The following PSORS1C1 variants were observed in gnomAD, a reference collection of about 807,000 sequenced individuals.
PSORS1C1 encodes psoriasis susceptibility 1 candidate 1.
In PSORS1C1, 7 loss-of-function variants were observed where a neutral mutation model predicts 9.4. That is an observed-to-expected ratio of 0.75 (90% confidence interval 0.42 to 1.40). PSORS1C1 has a LOEUF of 1.40. PSORS1C1 is among the 40% of genes most tolerant of loss of function. The probability of loss-of-function intolerance (pLI) is 0.01; values close to 1 mark genes in which losing one functional copy is unlikely to be tolerated. For missense variants in PSORS1C1, 146 were observed against 178.1 expected, an observed-to-expected ratio of 0.82 and a Z score of 1.02; for synonymous variants, 63 against 69.4, an observed-to-expected ratio of 0.91 and a Z score of 0.46.
intron 2 of PSORS1C1, among the ~76,000 whole-genome samples, chr6:31,127,503 G>C (rs1772730032): frequency 6.6e-6 from 1 of 151,930 alleles, no homozygotes; most frequent in Non-Finnish European, 1.5e-5. Flanking sequence ...TCAGCTCGGT[G>C]CCGAGGTCTG....
chr6:31,126,291 C>T (rs570271250), intron 2 of PSORS1C1, among the ~76,000 whole-genome samples: 11 of 152,304 alleles, frequency 7.2e-5, no homozygotes, highest in African/African-American at 2.4e-4. Flanking sequence ...GTGATGAGGA[C>T]GTACTGGGGT....
At chr6:31,117,513 G>T (rs766625426) in intron 1 of PSORS1C1, 3 of 1,550,648 alleles carry the variant, frequency 1.9e-6, no homozygotes, top group Admixed American at 2.0e-5. Flanking sequence ...AGGTGCCAAT[G>T]CTCTTAGCCA....
chr6:31,132,927 C>T (rs1428674162), intron 3 of PSORS1C1, among the ~76,000 whole-genome samples: 1 of 150,854 alleles, frequency 6.6e-6, no homozygotes, highest in Middle Eastern at 3.2e-3. Flanking sequence ...TGAGTGGAAC[C>T]AAGCTAAGTC....
At chr6:31,126,343 G>C (rs3778640) in intron 2 of PSORS1C1, among the ~76,000 whole-genome samples, 19,896 of 152,208 alleles carry the variant, frequency 0.13, 1,429 homozygotes, top group Middle Eastern at 0.24. Flanking sequence ...GTGGTGGGCA[G>C]GACCGTGCTG....
intron 1 of PSORS1C1, among the ~76,000 whole-genome samples, chr6:31,122,424 C>T (rs1772502328): frequency 6.6e-6 from 1 of 152,192 alleles, no homozygotes; most frequent in Non-Finnish European, 1.5e-5. Context: ...GTCTTCTGCT[C>T]CCTTCCTGCC....
At chr6:31,114,959 A>G (rs1772026607) in intron 1 of PSORS1C1, 68 bp downstream of exon 1, 1 of 448,584 alleles carries the variant, frequency 2.2e-6, no homozygotes, top group Admixed American at 2.4e-5. Flanking sequence ...AGGGAGAGGA[A>G]ACACTGAGGG....
chr6:31,124,329 C>A (rs1012682338), intron 1 of PSORS1C1, among the ~76,000 whole-genome samples: 3 of 152,144 alleles, frequency 2.0e-5, no homozygotes, highest in Non-Finnish European at 2.9e-5. Context: ...GTACTGACTG[C>A]CTGCTGCAGG....
intron 3 of PSORS1C1, among the ~76,000 whole-genome samples, chr6:31,135,145 A>G (rs1286688122): frequency 6.6e-6 from 1 of 152,212 alleles, no homozygotes; most frequent in Admixed American, 6.5e-5. Flanking sequence ...AACATTTAAC[A>G]TTTGTAATAA....
chr6:31,133,092 G>C (rs3823417), intron 3 of PSORS1C1, among the ~76,000 whole-genome samples: 1 of 151,874 alleles, frequency 6.6e-6, no homozygotes, highest in Non-Finnish European at 1.5e-5. Flanking sequence ...AAAAGGTCCC[G>C]GCAGAGGCAT....
chr6:31,115,928 GCTAACC>G lies in PSORS1C1; in HGVS notation c.-229+1041_-229+1046del. ...CTCTTTTGGGAAGGAGGGAAACTGAGCTAACCCTATGCCTGGGCACTGGACTTCTCC... is the reference window on the plus strand; with the variant it reads ...CTCTTTTGGGAAGGAGGGAAACTGAGCTATGCCTGGGCACTGGACTTCTCC... On this transcript the variant is annotated intron_variant, in intron 1 of 5. Transcript: ENST00000259881. This position sits in a 1 kb window ranked among gnomAD's most constrained non-coding sequence, Gnocchi z 4.2. The G allele has an allele frequency of 9.0e-7, 1 of 1,113,342 alleles. No homozygotes were observed. Among genetic ancestry groups the G allele is most frequent in the South Asian group, 1.3e-5 (1 of 77,578 alleles). The allele number at this position is 1,113,342 out of a possible 1,614,324, so 69.0% of individuals were successfully genotyped here.
chr6:31,138,445 C>G lies in PSORS1C1; in HGVS notation c.29C>G (p.Ser10Cys). Residue 10 changes from serine to cysteine, a missense_variant, in exon 4 of 6, where the codon TCT (serine) becomes TGT (cysteine). Transcript: ENST00000259881. ...CCACAAACAGACCAAAAAAGTCACTCTCAAAGAGCTCTCGGTAGGTTTGTA... is the reference window on the plus strand; with the variant it reads ...CCACAAACAGACCAAAAAAGTCACTGTCAAAGAGCTCTCGGTAGGTTTGTA... The part of the protein sequence containing the change: MTCTDQKSH[S>C]QRALGTQTPA... 6.2e-7 allele frequency: 1 copy of G among 1,611,978 alleles called. No individual in the cohort carries two copies. The highest frequency in any genetic ancestry group is 1.1e-5 in the South Asian group (1 of 90,966).
At chr6:31,137,414 A>G (rs1473142863) in intron 3 of PSORS1C1, 2 of 152,434 alleles carry the variant, frequency 1.3e-5, no homozygotes, top group Non-Finnish European at 2.9e-5. Context: ...AGATCGTGCC[A>G]CTGTACTCCA....
chr6:31,116,216 GT>G (rs1562750564), intron 1 of PSORS1C1: 1 of 1,613,990 alleles, frequency 6.2e-7, no homozygotes. Flanking sequence ...CCCCCAGTCA[GT>G]GTCAAGGAGG....
At chr6:31,120,999 T>C (rs1772431295) in intron 1 of PSORS1C1, among the ~76,000 whole-genome samples, 1 of 143,952 alleles carries the variant, frequency 6.9e-6, no homozygotes, top group African/African-American at 2.6e-5. Context: ...TCTGCCCCCA[T>C]CCCCCAGGCT....
chr6:31,133,092 G>T (rs3823417), intron 3 of PSORS1C1, among the ~76,000 whole-genome samples: 1 of 151,874 alleles, frequency 6.6e-6, no homozygotes, highest in African/African-American at 2.4e-5. Context: ...AAAAGGTCCC[G>T]GCAGAGGCAT....
At chr6:31,131,597 CAAAAAAAAAAAA>C (rs9281219) in intron 3 of PSORS1C1, among the ~76,000 whole-genome samples, 4 of 78,394 alleles carry the variant, frequency 5.1e-5, no homozygotes, top group Admixed American at 1.6e-4. Context: ...GACTCCGTCT[CAAAAAAAAAAAA>C]AAAAAAAAAA....
At chr6:31,131,999 A>T (rs1274834984) in intron 3 of PSORS1C1, among the ~76,000 whole-genome samples, 1 of 152,220 alleles carries the variant, frequency 6.6e-6, no homozygotes, top group African/African-American at 2.4e-5. Context: ...TAATCCCAAC[A>T]CTTTGAGAGG....
chr6:31,134,018 G>A (rs936567678), intron 3 of PSORS1C1, among the ~76,000 whole-genome samples: 21 of 152,020 alleles, frequency 1.4e-4, no homozygotes, highest in African/African-American at 4.3e-4. Flanking sequence ...TTGCTCTGTC[G>A]CCCAGGCTGC....
intron 1 of PSORS1C1, among the ~76,000 whole-genome samples, chr6:31,119,237 T>C (rs535610571): frequency 6.6e-6 from 1 of 152,258 alleles, no homozygotes; most frequent in East Asian, 1.9e-4. Context: ...CCATCCTCTG[T>C]GATGTCCCTG....
Sources: gnomAD v4.1 joint callset for allele counts (sites outside exome capture counted in the v4.1 genomes callset) on GRCh38, gnomAD v4.1.1 for gene constraint, Gnocchi (gnomAD v3.1) non-coding constraint, MANE v1.5 for transcripts, NCBI Gene and HGNC (gene_info 2026-07-23, HGNC 2026-07-21) for gene names.